Variants in TRABD2B observed in about 807,000 individuals in gnomAD.
TRABD2B encodes the protein metalloprotease TIKI2.
Under a neutral mutation model 40.1 loss-of-function variants are expected in TRABD2B, and 14 were observed. The ratio of observed to expected loss-of-function variants is 0.35; its 90% CI spans 0.23 to 0.55. TRABD2B has a LOEUF of 0.55. Ranked by LOEUF, TRABD2B falls within the 20% of genes least tolerant of loss-of-function variation. The probability of loss-of-function intolerance (pLI) is 0.90; values close to 1 mark genes in which losing one functional copy is unlikely to be tolerated. For missense variants in TRABD2B, 541 were observed against 648.6 expected, an observed-to-expected ratio of 0.83 and a Z score of 1.80; for synonymous variants, 263 against 277.0, an observed-to-expected ratio of 0.95 and a Z score of 0.50.
Position 47,928,083 on chromosome 1 carries a change from T to C in TRABD2B, c.666+65951A>G, listed in dbSNP as rs1644993479. ...AAGTGATCCGTGGGCACAGTAAAGT[T>C]TGAGAAGTATTGTTCTAGTCCATGG... On this transcript the variant is annotated intron_variant, in intron 2 of 6. Coordinates refer to ENST00000606738, the MANE Select transcript of TRABD2B (RefSeq NM_001194986.2). Among the ~76,000 whole-genome samples the C allele has an allele frequency of 2.6e-5, 4 of 152,184 alleles. No individual in the cohort carries two copies. The South Asian group carries it at 8.3e-4, about 32-fold the overall frequency.
rs1645341308 is a variant in TRABD2B, at chr1:47,837,909, G to A, written c.667-36290C>T. On this transcript the variant is annotated intron_variant, in intron 2 of 6. Transcript: ENST00000606738. ...CATCTCATGAGGAAACCGAGGCACA[G>A]ATAGGTTAAATTATGTGCTCAAGTC... 2.0e-5 allele frequency among the ~76,000 whole-genome samples: 3 copies of A among 152,212 alleles called. No homozygotes were observed. The South Asian group carries it at 6.2e-4, about 31-fold the overall frequency.
intron 2 of TRABD2B, among the ~76,000 whole-genome samples, chr1:47,989,847 C>A (rs988550121): frequency 6.6e-6 from 1 of 152,100 alleles, no homozygotes; most frequent in African/African-American, 2.4e-5. Flanking sequence ...ACTGGGAAAG[C>A]AGGGGTTGTG....
intron 2 of TRABD2B, among the ~76,000 whole-genome samples, chr1:47,912,802 C>T (rs912669136): frequency 6.6e-6 from 1 of 152,114 alleles, no homozygotes; most frequent in Non-Finnish European, 1.5e-5. Context: ...CTCAGGCCCA[C>T]CTCGTCCCAG....
At chr1:47,859,349 C>T (rs1461570330) in intron 2 of TRABD2B, among the ~76,000 whole-genome samples, 1 of 152,226 alleles carries the variant, frequency 6.6e-6, no homozygotes, top group Non-Finnish European at 1.5e-5. Flanking sequence ...AGGTACTCAC[C>T]TGGCCTTTGT....
chr1:47,977,680 G>GAA (rs113365038), intron 2 of TRABD2B, among the ~76,000 whole-genome samples: 3,237 of 131,476 alleles, frequency 0.025, 101 homozygotes, highest in Admixed American at 0.089. Flanking sequence ...TGGCCGGGAT[G>GAA]AAAAAAAAAA....
At chr1:47,801,386 A>G (rs1037690966) in intron 3 of TRABD2B, 87 bp downstream of exon 3, 1 of 1,371,760 alleles carries the variant, frequency 7.3e-7, no homozygotes, top group African/African-American at 1.4e-5. Context: ...CCTTCTTGCC[A>G]TGGCTGGAGA....
intron 2 of TRABD2B, among the ~76,000 whole-genome samples, chr1:47,854,309 T>G (rs1284975722): frequency 6.6e-6 from 1 of 152,214 alleles, no homozygotes; most frequent in Non-Finnish European, 1.5e-5. Context: ...TTACCCTCCT[T>G]TGGCCTCTCT....
Position 47,996,950 on chromosome 1 carries a change from G to A in TRABD2B, c.-161C>T, listed in dbSNP as rs1245562649. The A allele has an allele frequency of 4.3e-5, 48 of 1,115,832 alleles. No individual in the cohort carries two copies. The highest frequency in any genetic ancestry group is 5.1e-5 in the Non-Finnish European group (47 of 914,888). 69.1% of individuals were successfully genotyped at this position (1,115,832 alleles called of 1,614,324 possible). On this transcript the variant is annotated 5_prime_UTR_variant, in exon 1 of 7. Coordinates refer to ENST00000606738, the MANE Select transcript of TRABD2B (RefSeq NM_001194986.2). This position sits in a 1 kb window ranked among gnomAD's most constrained non-coding sequence, Gnocchi z 4.6. ...GTGGCTGACTGTCCCTGTCGGACCT[G>A]GGGGTTTCTCTGGGGCCGGGCTCCG...
chr1:47,936,496 G>A (rs187687840), intron 2 of TRABD2B, among the ~76,000 whole-genome samples: 2 of 152,326 alleles, frequency 1.3e-5, no homozygotes, highest in African/African-American at 4.8e-5. Context: ...GCTTGTGGAA[G>A]AGCTGAGTCT....
chr1:47,822,126 C>G (rs956712563), intron 2 of TRABD2B, among the ~76,000 whole-genome samples: 2 of 144,756 alleles, frequency 1.4e-5, no homozygotes, highest in Non-Finnish European at 3.0e-5. Context: ...GCACACAGAC[C>G]TCTAGGCACA....
chr1:47,953,394 GAC>G (rs2148388408), intron 2 of TRABD2B, among the ~76,000 whole-genome samples: 1 of 152,272 alleles, frequency 6.6e-6, no homozygotes, highest in African/African-American at 2.4e-5. Flanking sequence ...AGGCATCCAA[GAC>G]ACAGTTTTGC....
chr1:47,778,389 C>G, intron 5 of TRABD2B, 65 bp downstream of exon 5: 1 of 1,231,168 alleles, frequency 8.1e-7, no homozygotes, highest in South Asian at 1.3e-5. Flanking sequence ...CTTCACAGCT[C>G]TCCTGAAAGC....
chr1:47,808,291 CGT>C (rs57152316), intron 2 of TRABD2B, among the ~76,000 whole-genome samples: 6,170 of 150,354 alleles, frequency 0.041, 264 homozygotes, highest in Admixed American at 0.1. Context: ...ACCAACACTA[CGT>C]GTGTGTGTGT....
chr1:47,774,446 A>G (rs986824693), intron 6 of TRABD2B, among the ~76,000 whole-genome samples: 2 of 152,154 alleles, frequency 1.3e-5, no homozygotes, highest in African/African-American at 4.8e-5. Context: ...ACTCCTGCCA[A>G]AAAGTGGAAT....
chr1:47,770,739 C>A (rs1201538670), intron 6 of TRABD2B, among the ~76,000 whole-genome samples: 14 of 152,296 alleles, frequency 9.2e-5, no homozygotes, highest in Non-Finnish European at 1.9e-4. Flanking sequence ...AGTATGTGCC[C>A]AATATGTTCC....
chr1:47,946,937 T>G (rs1400545928), intron 2 of TRABD2B, among the ~76,000 whole-genome samples: 2 of 47,890 alleles, frequency 4.2e-5, no homozygotes, highest in East Asian at 1.3e-3. Flanking sequence ...AAGACTAGGT[T>G]TTTTTTTTTT....
rs576371586 is a variant in TRABD2B at position 47,774,364 on chromosome 1, C to G, written c.1349+806G>C. On this transcript the variant is annotated intron_variant, in intron 6 of 6. Transcript: ENST00000606738. ...CTGGGCCAGTGCAGTGGGTAGGATT[C>G]TACCCCATCACTGACAGTCCCTCCC... Among the ~76,000 whole-genome samples, 7 of 152,294 alleles carry G rather than the reference C, an allele frequency of 4.6e-5. 1 individual carries two copies. The South Asian group carries it at 1.2e-3, about 27-fold the overall frequency.
intron 2 of TRABD2B, among the ~76,000 whole-genome samples, chr1:47,925,074 C>T (rs976717858): frequency 1.3e-5 from 2 of 152,092 alleles, no homozygotes; most frequent in African/African-American, 4.8e-5. Context: ...ACTGATCAAG[C>T]CTTTTTGAAA....
At chr1:47,943,066 A>AAGGCTCAG (rs1645208348) in intron 2 of TRABD2B, among the ~76,000 whole-genome samples, 4 of 152,210 alleles carry the variant, frequency 2.6e-5, no homozygotes, top group African/African-American at 7.2e-5. Context: ...GGTTATTCTG[A>AAGGCTCAG]GCCTTTAGAA....
Sources: allele counts gnomAD v4.1 joint callset (sites outside exome capture counted in the v4.1 genomes callset), GRCh38; gene constraint gnomAD v4.1.1; non-coding constraint Gnocchi (gnomAD v3.1); transcripts MANE v1.5; gene names NCBI Gene and HGNC (gene_info 2026-07-23, HGNC 2026-07-21).